Variants in EPS15 observed in about 807,000 individuals in gnomAD.
The protein encoded by EPS15 is epidermal growth factor receptor pathway substrate 15.
A neutral mutation model predicts 113.8 loss-of-function variants in EPS15; 72 were observed. That is an observed-to-expected ratio of 0.63 (90% CI 0.52 to 0.77). The LOEUF (loss-of-function observed/expected upper bound fraction) is 0.77. Among genes scored for constraint, EPS15 ranks in the 30% least tolerant of loss-of-function variants. The pLI is 0.00. For synonymous variants in EPS15, 344 were observed against 363.4 expected, an observed-to-expected ratio of 0.95 and a Z score of 0.61; for missense variants, 1,048 against 1,045.8, an observed-to-expected ratio of 1.00 and a Z score of -0.03.
At chr1:51,417,122 G>T (rs904670535) in intron 13 of EPS15, among the ~76,000 whole-genome samples, 1 of 151,996 alleles carries the variant, frequency 6.6e-6, no homozygotes. Context: ...GCCAGAAAAA[G>T]AATGCTGAGC....
intron 1 of EPS15, among the ~76,000 whole-genome samples, chr1:51,506,858 G>A (rs1644508088): frequency 6.7e-6 from 1 of 150,322 alleles, no homozygotes; most frequent in African/African-American, 2.4e-5. Context: ...AACTAAGAAT[G>A]AAAGCAATAC....
intron 1 of EPS15, among the ~76,000 whole-genome samples, chr1:51,517,108 G>C (rs1235979893): frequency 1.3e-5 from 2 of 152,182 alleles, no homozygotes; most frequent in Admixed American, 6.5e-5. Context: ...GCAAAGTTTT[G>C]AAGTAACAAG....
chr1:51,374,279 C>A (rs1467861261), intron 21 of EPS15, among the ~76,000 whole-genome samples: 1 of 152,124 alleles, frequency 6.6e-6, no homozygotes, highest in Non-Finnish European at 1.5e-5. Context: ...TTAAACTAAT[C>A]TCACAATAAA....
At chr1:51,367,897 C>T (rs775973824) in intron 21 of EPS15, among the ~76,000 whole-genome samples, 6 of 152,036 alleles carry the variant, frequency 3.9e-5, no homozygotes, top group Admixed American at 1.3e-4. Flanking sequence ...TTTGGGAGGC[C>T]GAGGCGGGCA....
intron 21 of EPS15, among the ~76,000 whole-genome samples, chr1:51,382,969 T>C (rs1227039807): frequency 6.6e-6 from 1 of 152,242 alleles, no homozygotes; most frequent in African/African-American, 2.4e-5. Flanking sequence ...ATATCCTTTA[T>C]GAATATTTTT....
At position 51,448,046 on chromosome 1, in the gene EPS15, C is replaced by T. The variant is rs1474368057; in HGVS notation, c.651G>A (p.Thr217=). Residue 217 remains threonine, a splice_region_variant and synonymous_variant, in exon 9 of 25, where the codon ACG becomes ACA. Transcript: ENST00000371733. ...ACCGCACAGAGCCTGATATACTGAC[C>T]GTTTTTCTCTTAGATGGTGGCACCA... ...PALVPPSKRK[T]WVVSPAEKAK... is the part of the protein sequence containing the mutation. 1 of 1,613,358 alleles carries T rather than the reference C, an allele frequency of 6.2e-7. No individual in the cohort carries two copies. The highest frequency in any genetic ancestry group is 8.5e-7 in the Non-Finnish European group (1 of 1,179,460).
At chr1:51,458,503 G>A (rs550687378) in intron 8 of EPS15, 10 of 435,592 alleles carry the variant, frequency 2.3e-5, no homozygotes, top group East Asian at 7.7e-5. Context: ...TTGGGAGGCC[G>A]AGGCGAGTGG....
intron 6 of EPS15, among the ~76,000 whole-genome samples, chr1:51,464,412 T>C (rs1654699725): frequency 2.6e-5 from 4 of 151,992 alleles, no homozygotes; most frequent in African/African-American, 9.7e-5. Context: ...GCTAATTTTC[T>C]TGTACTTTTA....
intron 24 of EPS15, among the ~76,000 whole-genome samples, chr1:51,360,941 A>G (rs1267361845): frequency 1.3e-5 from 2 of 152,214 alleles, no homozygotes; most frequent in African/African-American, 2.4e-5. Context: ...TTACAAAACA[A>G]CTTGTGTATA....
At chr1:51,413,895 T>C (rs577335774) in intron 13 of EPS15, among the ~76,000 whole-genome samples, 1 of 152,204 alleles carries the variant, frequency 6.6e-6, no homozygotes, top group African/African-American at 2.4e-5. Context: ...GCTACAGGCA[T>C]GTGCCACCAC....
At chr1:51,375,874 C>T (rs191395790) in intron 21 of EPS15, among the ~76,000 whole-genome samples, 37 of 152,232 alleles carry the variant, frequency 2.4e-4, no homozygotes, top group African/African-American at 8.9e-4. Flanking sequence ...GGTTTGCCAA[C>T]TTAACCATAG....
rs911884448 is a variant in EPS15, at chr1:51,507,885, A to C, written c.33+11314T>G. 5.3e-5 allele frequency among the ~76,000 whole-genome samples: 8 copies of C among 152,202 alleles called. No homozygotes were observed. The East Asian group carries it at 5.8e-4, about 11-fold the overall frequency. ...AGTGAGTGAAGAATACTGGAAATGA[A>C]AAAACATTTAGGCCCAACGCGGTGG... On this transcript the variant is annotated intron_variant, in intron 1 of 24. Transcript: ENST00000371733.
intron 8 of EPS15, among the ~76,000 whole-genome samples, chr1:51,448,682 C>T (rs1005126308): frequency 7.2e-5 from 11 of 152,154 alleles, no homozygotes; most frequent in Admixed American, 5.2e-4. Context: ...GTTAGCTAAA[C>T]TGTGGGGAAA....
intron 1 of EPS15, among the ~76,000 whole-genome samples, chr1:51,483,307 G>A (rs998625831): frequency 6.6e-6 from 1 of 151,770 alleles, no homozygotes; most frequent in Non-Finnish European, 1.5e-5. Flanking sequence ...TATTAGTTTT[G>A]TTGTTAATCT....
intron 12 of EPS15, among the ~76,000 whole-genome samples, chr1:51,434,539 G>A (rs1302635273): frequency 6.6e-6 from 1 of 152,220 alleles, no homozygotes; most frequent in East Asian, 1.9e-4. Flanking sequence ...TGGCTGCTAT[G>A]AGGAAGGGCG....
At chr1:51,492,136 G>A (rs1050634431) in intron 1 of EPS15, among the ~76,000 whole-genome samples, 6 of 151,996 alleles carry the variant, frequency 3.9e-5, no homozygotes, top group East Asian at 3.9e-4. Flanking sequence ...GGCATGAGCC[G>A]CTGTGCCTGG....
chr1:51,473,579 G>GAAACAAAC, intron 2 of EPS15, among the ~76,000 whole-genome samples: 1 of 151,342 alleles, frequency 6.6e-6, no homozygotes, highest in Middle Eastern at 3.4e-3. Flanking sequence ...CACAAGAACA[G>GAAACAAAC]AAACAAACAA....
At chr1:51,476,262 G>C (rs933806361) in intron 2 of EPS15, among the ~76,000 whole-genome samples, 4 of 152,136 alleles carry the variant, frequency 2.6e-5, no homozygotes, top group African/African-American at 9.7e-5. Context: ...TAGCTTGATG[G>C]GGATGGCACT....
At chr1:51,399,861 A>C (rs72694184) in intron 19 of EPS15, among the ~76,000 whole-genome samples, 2,330 of 141,170 alleles carry the variant, frequency 0.017, 19 homozygotes, top group Middle Eastern at 0.033. Flanking sequence ...AGACTGTCTC[A>C]AAAAAAAAAT....
Sources: allele counts gnomAD v4.1 joint callset (sites outside exome capture counted in the v4.1 genomes callset), GRCh38; gene constraint gnomAD v4.1.1; transcripts MANE v1.5; gene names NCBI Gene and HGNC (gene_info 2026-07-23, HGNC 2026-07-21).